WFDC3: variants seen among roughly 807,000 people sequenced by gnomAD.
WFDC3 encodes the protein WAP four-disulfide core domain 3, also known as WAP four-disulfide core domain protein 3.
In WFDC3, 15 loss-of-function variants were observed where a neutral mutation model predicts 25.8. The observed-to-expected ratio is 0.58, with a 90% CI of 0.39 to 0.89. The LOEUF is 0.89. WFDC3 is among the 40% of genes least tolerant of loss of function. The pLI is 0.00. For synonymous variants in WFDC3, 103 were observed against 107.1 expected (o/e 0.96, Z 0.24); for missense variants, 264 against 289.8 (o/e 0.91, Z 0.65).
chr20:45,776,065 A>G (rs1220311942), intron 5 of WFDC3, among the ~76,000 whole-genome samples: 1 of 152,188 alleles, frequency 6.6e-6, no homozygotes, highest in Non-Finnish European at 1.5e-5. Context: ...CTTATTTAAA[A>G]GGAATATGTC....
rs1981012401 is a variant in WFDC3 at position 45,791,862 on chromosome 20, G to A, written c.-38C>T. The A allele has an allele frequency of 9.8e-6, 5 of 509,720 alleles. No homozygotes were observed. The highest frequency in any genetic ancestry group is 1.5e-5 in the Non-Finnish European group (5 of 328,660). 31.6% of individuals were successfully genotyped at this position (509,720 alleles called of 1,614,324 possible). A position where few individuals can be genotyped will look rare whatever the true frequency, so the allele number is the denominator to read the frequency against. The stretch of plus-strand genomic sequence containing the variant: ...CTCTAAGTGTAACTGTCCTGGGCGA[G>A]GCGCGGCGGTTCGGTTCCCATGGTA... On this transcript the variant is annotated 5_prime_UTR_variant, in exon 1 of 7. Coordinates refer to ENST00000243938, the MANE Select transcript of WFDC3 (RefSeq NM_080614.2).
rs1980111032 is a variant in WFDC3, at chr20:45,775,681, C to CAGAGGCTCT, written c.494-88_494-80dup. The CAGAGGCTCT allele has an allele frequency of 5.1e-6, 8 of 1,568,156 alleles. No homozygotes were observed. In the Admixed American group the frequency reaches 5.2e-5, roughly 10 times the overall value. On this transcript the variant is annotated intron_variant, in intron 5 of 6. Coordinates refer to ENST00000243938, the MANE Select transcript of WFDC3 (RefSeq NM_080614.2). ...CATGTTCCCATCGTGAACTTACACA[C>CAGAGGCTCT]AGAGGCTCTAGGTCAATCAACCCCT...
chr20:45,776,660 A>ATATGTGTGTGTGTGTGTG (rs762240715), intron 5 of WFDC3, among the ~76,000 whole-genome samples: 3 of 93,298 alleles, frequency 3.2e-5, no homozygotes, highest in African/African-American at 4.4e-5. Flanking sequence ...ATATATATAT[A>ATATGTGTGTGTGTGTGTG]TGTGTGTGTG....
At chr20:45,790,799 A>G (rs145917188) in intron 1 of WFDC3, 1 of 411,828 alleles carries the variant, frequency 2.4e-6, no homozygotes, top group Non-Finnish European at 5.0e-6. Flanking sequence ...TTAAGAACTA[A>G]TGAAAAGCAC....
intron 4 of WFDC3, among the ~76,000 whole-genome samples, chr20:45,783,413 G>A (rs569476143): frequency 1.9e-4 from 29 of 152,006 alleles, no homozygotes; most frequent in Non-Finnish European, 3.5e-4. Context: ...AGGAGGTTGA[G>A]GCTGCAGTGG....
intron 6 of WFDC3, among the ~76,000 whole-genome samples, chr20:45,774,960 A>C (rs1253105142): frequency 2.2e-5 from 3 of 134,292 alleles, no homozygotes; most frequent in African/African-American, 8.1e-5. Flanking sequence ...AAAAAAAAAA[A>C]ACTGGAGATA....
At chr20:45,789,851 A>G in intron 2 of WFDC3, 43 bp downstream of exon 2, 1 of 1,573,348 alleles carries the variant, frequency 6.4e-7, no homozygotes, top group Non-Finnish European at 8.7e-7. Context: ...TCCTCTAGTC[A>G]CTTTCTGTTA....
At chr20:45,788,787 G>A (rs1980803168) in intron 3 of WFDC3, 144 bp downstream of exon 3, 1 of 1,111,744 alleles carries the variant, frequency 9.0e-7, no homozygotes, top group African/African-American at 1.6e-5. Flanking sequence ...AAAGGAGGAG[G>A]GACCCTAAAA....
At chr20:45,777,920 G>A (rs897013689) in intron 4 of WFDC3, among the ~76,000 whole-genome samples, 2 of 151,082 alleles carry the variant, frequency 1.3e-5, no homozygotes, top group Admixed American at 1.3e-4. Context: ...AACCCACTGT[G>A]GCCAACATTC....
intron 4 of WFDC3, among the ~76,000 whole-genome samples, chr20:45,786,047 C>T (rs1980654217): frequency 1.3e-5 from 2 of 152,218 alleles, no homozygotes; most frequent in Admixed American, 1.3e-4. Context: ...CTTCAAATCG[C>T]TCTCCAGGTT....
intron 4 of WFDC3, among the ~76,000 whole-genome samples, chr20:45,778,285 T>A (rs1419175741): frequency 6.6e-6 from 1 of 152,184 alleles, no homozygotes; most frequent in Non-Finnish European, 1.5e-5. Flanking sequence ...CCCAGATGAA[T>A]GCAGCTAAAT....
At chr20:45,778,698 G>A (rs866288897) in intron 4 of WFDC3, 2 of 152,154 alleles carry the variant, frequency 1.3e-5, no homozygotes, top group African/African-American at 4.8e-5. Flanking sequence ...TTGCAAAGAG[G>A]TGTTGTATGA....
chr20:45,777,456 T>A (rs1259918281), intron 4 of WFDC3, among the ~76,000 whole-genome samples: 4 of 152,154 alleles, frequency 2.6e-5, no homozygotes, highest in African/African-American at 9.7e-5. Flanking sequence ...ATTCAAGGGA[T>A]CCTCCCACCT....
intron 3 of WFDC3, 36 bp from the exon 4 acceptor site, chr20:45,788,018 A>G: frequency 6.2e-7 from 1 of 1,601,506 alleles, no homozygotes; most frequent in African/African-American, 1.3e-5. Flanking sequence ...GAAAAGAGAA[A>G]ATAGGCCGAG....
chr20:45,779,009 C>T (rs546867692), intron 4 of WFDC3, among the ~76,000 whole-genome samples: 4 of 152,316 alleles, frequency 2.6e-5, no homozygotes, highest in Admixed American at 2.6e-4. Flanking sequence ...AACACATTTC[C>T]TATGAAAATA....
At chr20:45,775,341 C>T (rs1268584264) in intron 6 of WFDC3, 76 bp downstream of exon 6, 13 of 1,545,414 alleles carry the variant, frequency 8.4e-6, no homozygotes, top group Non-Finnish European at 1.1e-5. Context: ...TTCTGAAGTC[C>T]CCTTCCCAGC....
intron 5 of WFDC3, among the ~76,000 whole-genome samples, chr20:45,776,634 AAATAT>A (rs1208675188): frequency 1.9e-3 from 128 of 68,810 alleles, no homozygotes; most frequent in African/African-American, 5.6e-3. Context: ...AAAAAAAAAA[AAATAT>A]ATATATATAT....
At chr20:45,774,686 A>C (rs1980051841) in intron 6 of WFDC3, among the ~76,000 whole-genome samples, 1 of 152,202 alleles carries the variant, frequency 6.6e-6, no homozygotes, top group South Asian at 2.1e-4. Context: ...TCATGCCTGT[A>C]ATCCCAGCAC....
At chr20:45,776,604 AAAAAAAAAG>A (rs1217460469) in intron 5 of WFDC3, among the ~76,000 whole-genome samples, 1 of 45,378 alleles carries the variant, frequency 2.2e-5, no homozygotes, top group East Asian at 6.4e-4. Flanking sequence ...TCTCAAAAAA[AAAAAAAAAG>A]AAAAAAAAGA....
Sources: gnomAD v4.1 joint callset for allele counts (sites outside exome capture counted in the v4.1 genomes callset) on GRCh38, gnomAD v4.1.1 for gene constraint, MANE v1.5 for transcripts, NCBI Gene and HGNC (gene_info 2026-07-23, HGNC 2026-07-21) for gene names.